CNTN6: variants seen among roughly 807,000 people sequenced by gnomAD.
The protein encoded by CNTN6 is contactin-6.
In CNTN6, 137 loss-of-function variants were observed where a neutral mutation model predicts 122.8. The observed-to-expected ratio is 1.12, with a 90% CI of 0.97 to 1.29. The LOEUF is 1.29. CNTN6 is among the 50% of genes most tolerant of loss of function. CNTN6 has a pLI of 0.00. For synonymous variants in CNTN6, 570 were observed against 426.0 expected (o/e 1.34, Z -4.16); for missense variants, 1,634 against 1,223.4 (o/e 1.34, Z -5.01).
chr3:1,273,818 G>A (rs887377007), intron 4 of CNTN6, among the ~76,000 whole-genome samples: 12 of 152,070 alleles, frequency 7.9e-5, no homozygotes, highest in Non-Finnish European at 1.6e-4. Context: ...TGTCACAAGC[G>A]GATGCTATTT....
intron 1 of CNTN6, among the ~76,000 whole-genome samples, chr3:1,112,963 G>A (rs1277200856): frequency 6.6e-6 from 1 of 152,136 alleles, no homozygotes; most frequent in Non-Finnish European, 1.5e-5. Flanking sequence ...ATAGAATAAT[G>A]AGTATGGTAA....
intron 1 of CNTN6, among the ~76,000 whole-genome samples, chr3:1,124,533 G>T (rs1326109044): frequency 1.3e-5 from 2 of 151,786 alleles, no homozygotes; most frequent in African/African-American, 4.8e-5. Flanking sequence ...TGGGGACTCA[G>T]GGTTGGGGGA....
chr3:1,346,702 T>C (rs930575939), intron 11 of CNTN6, among the ~76,000 whole-genome samples: 2 of 152,088 alleles, frequency 1.3e-5, no homozygotes, highest in African/African-American at 2.4e-5. Flanking sequence ...TCAGGGAGTC[T>C]GATAGAGCAA....
At chr3:1,194,672 T>G (rs1413491688) in intron 2 of CNTN6, among the ~76,000 whole-genome samples, 1 of 152,080 alleles carries the variant, frequency 6.6e-6, no homozygotes, top group Non-Finnish European at 1.5e-5. Context: ...GCATTTGTAT[T>G]GTTTATCTGT....
chr3:1,397,089 T>C (rs1695078746), intron 20 of CNTN6, among the ~76,000 whole-genome samples: 2 of 152,194 alleles, frequency 1.3e-5, no homozygotes, highest in Non-Finnish European at 2.9e-5. Flanking sequence ...CATCCAGTCA[T>C]CTACTCAAGA....
chr3:1,315,471 C>G (rs1287548836), intron 7 of CNTN6, among the ~76,000 whole-genome samples: 11 of 151,786 alleles, frequency 7.2e-5, no homozygotes, highest in Admixed American at 7.2e-4. Context: ...TTGAAATTAC[C>G]CATCTAAAGG....
At chr3:1,370,468 A>T (rs1303425123) in intron 12 of CNTN6, among the ~76,000 whole-genome samples, 1 of 152,164 alleles carries the variant, frequency 6.6e-6, no homozygotes, top group Non-Finnish European at 1.5e-5. Context: ...TTTTGGTTGC[A>T]AATCTGTGAA....
Position 1,105,941 on chromosome 3 carries a change from A to T in CNTN6, c.-83+12821A>T, listed in dbSNP as rs149886405. Among the ~76,000 whole-genome samples, 757 of 152,288 alleles carry T rather than the reference A, an allele frequency of 5.0e-3. 5 individuals carry two copies. The highest frequency in any genetic ancestry group is 0.016 in the African/African-American group (672 of 41,580). On this transcript the variant is annotated intron_variant, in intron 1 of 22. Coordinates refer to ENST00000446702, the MANE Select transcript of CNTN6 (RefSeq NM_001289080.2). Reference sequence around the variant, plus strand: ...ACAAAATAGCACATATTAAGATGATATTAATGTTAAACTTCAATTTATGCC... The same window carrying T: ...ACAAAATAGCACATATTAAGATGATTTTAATGTTAAACTTCAATTTATGCC...
At chr3:1,328,572 G>T (rs566686293) in intron 10 of CNTN6, among the ~76,000 whole-genome samples, 4 of 151,936 alleles carry the variant, frequency 2.6e-5, no homozygotes, top group African/African-American at 9.6e-5. Flanking sequence ...AGAAAAAAGT[G>T]TCAGATTTAA....
At chr3:1,320,346 G>T (rs886672156) in intron 7 of CNTN6, among the ~76,000 whole-genome samples, 1 of 151,630 alleles carries the variant, frequency 6.6e-6, no homozygotes, top group African/African-American at 2.4e-5. Flanking sequence ...ATGTACATAG[G>T]AGGATAATAA....
chr3:1,348,620 T>G (rs1705137763), intron 11 of CNTN6, among the ~76,000 whole-genome samples: 1 of 152,046 alleles, frequency 6.6e-6, no homozygotes, highest in East Asian at 1.9e-4. Context: ...ACATATAGCT[T>G]AAATTTATGC....
chr3:1,178,196 C>T (rs976225047), intron 2 of CNTN6, among the ~76,000 whole-genome samples: 2 of 152,098 alleles, frequency 1.3e-5, no homozygotes, highest in African/African-American at 2.4e-5. Flanking sequence ...CCACCACGCC[C>T]GGCCTCCCCT....
At chr3:1,292,196 C>T (rs984269773) in intron 5 of CNTN6, among the ~76,000 whole-genome samples, 23 of 152,128 alleles carry the variant, frequency 1.5e-4, no homozygotes, top group African/African-American at 2.4e-4. Context: ...CCAGCAGCCA[C>T]GAGTCCTACT....
intron 11 of CNTN6, among the ~76,000 whole-genome samples, chr3:1,347,601 A>T (rs2126059869): frequency 6.6e-6 from 1 of 152,268 alleles, no homozygotes; most frequent in Non-Finnish European, 1.5e-5. Flanking sequence ...AAGAATTTTA[A>T]GAAGACATTA....
chr3:1,181,781 A>G (rs1351677784), intron 2 of CNTN6, among the ~76,000 whole-genome samples: 2 of 152,122 alleles, frequency 1.3e-5, no homozygotes, highest in Non-Finnish European at 2.9e-5. Context: ...GATATTTGAG[A>G]GCATTTTATT....
At chr3:1,193,682 GTTTCA>G (rs2093734393) in intron 2 of CNTN6, among the ~76,000 whole-genome samples, 1 of 151,812 alleles carries the variant, frequency 6.6e-6, no homozygotes, top group Non-Finnish European at 1.5e-5. Context: ...TTCCAATGTA[GTTTCA>G]TTTGTTTTAT....
intron 12 of CNTN6, among the ~76,000 whole-genome samples, chr3:1,356,376 G>T (rs1342742504): frequency 6.6e-6 from 1 of 151,734 alleles, no homozygotes; most frequent in East Asian, 1.9e-4. Flanking sequence ...GTTTATTGCT[G>T]CTCATTTAGT....
At chr3:1,263,907 G>A (rs1045122686) in intron 4 of CNTN6, among the ~76,000 whole-genome samples, 6 of 151,756 alleles carry the variant, frequency 4.0e-5, no homozygotes, top group African/African-American at 1.5e-4. Context: ...TGTGGTAGTA[G>A]CAAGTAGGCT....
rs868377518 is a variant in CNTN6 at position 1,282,111 on chromosome 3, G to A, written c.454+3603G>A. On this transcript the variant is annotated intron_variant, in intron 5 of 22. Coordinates refer to ENST00000446702, the MANE Select transcript of CNTN6 (RefSeq NM_001289080.2). ...TGTTTTAAAAACAAAACAGAAAAGT[G>A]TCTAGATGGTTTTTCCATGTAAATG... is the stretch of plus-strand genomic sequence containing the variant. Among the ~76,000 whole-genome samples the A allele has an allele frequency of 6.5e-4, 99 of 152,208 alleles. 1 individual carries two copies. The highest frequency in any genetic ancestry group is 2.2e-3 in the African/African-American group (93 of 41,550).
Sources: allele counts gnomAD v4.1 joint callset (sites outside exome capture counted in the v4.1 genomes callset), GRCh38; gene constraint gnomAD v4.1.1; transcripts MANE v1.5; gene names NCBI Gene and HGNC (gene_info 2026-07-23, HGNC 2026-07-21).